Variants in RAB6A observed in about 807,000 individuals in gnomAD.
RAB6A encodes RAB6A, member RAS oncogene family.
RAB6A carries 8 observed loss-of-function variants against 32.3 expected under a neutral mutation model. The observed-to-expected ratio is 0.25, with a 90% CI of 0.15 to 0.45. The LOEUF is 0.45. Ranked by LOEUF, RAB6A falls within the 20% of genes least tolerant of loss-of-function variation. The pLI, the probability that RAB6A is intolerant of heterozygous loss-of-function variation, is 1.00. For missense variants in RAB6A, 104 were observed against 249.4 expected, an observed-to-expected ratio of 0.42 and a Z score of 3.93; for synonymous variants, 73 against 82.1, an observed-to-expected ratio of 0.89 and a Z score of 0.60.
At chr11:73,742,465 C>G (rs2134996390) in intron 1 of RAB6A, among the ~76,000 whole-genome samples, 1 of 152,158 alleles carries the variant, frequency 6.6e-6, no homozygotes, top group African/African-American at 2.4e-5. Flanking sequence ...TACATAAAAG[C>G]TGCAGATAAG....
At chr11:73,722,345 T>A (rs3916546) in intron 2 of RAB6A, 177 of 8,946 alleles carry the variant, frequency 0.02, no homozygotes, top group South Asian at 0.05. Context: ...ATATATATAT[T>A]TTTTTTTTTT....
chr11:73,686,468 C>T (rs1201880185), intron 6 of RAB6A, among the ~76,000 whole-genome samples: 1 of 152,068 alleles, frequency 6.6e-6, no homozygotes, highest in Non-Finnish European at 1.5e-5. Flanking sequence ...GTAGTAAAAT[C>T]GCTTGAACCC....
intron 4 of RAB6A, among the ~76,000 whole-genome samples, chr11:73,717,987 A>C (rs1261467407): frequency 1.3e-5 from 2 of 152,232 alleles, no homozygotes; most frequent in Non-Finnish European, 2.9e-5. Flanking sequence ...CTTTAGAAAA[A>C]AGAAAAAGAC....
intron 6 of RAB6A, among the ~76,000 whole-genome samples, chr11:73,702,982 G>C (rs558023341): frequency 1.3e-5 from 2 of 151,812 alleles, no homozygotes; most frequent in African/African-American, 4.8e-5. Flanking sequence ...TCAGACTCCC[G>C]AGTAGCTGGG....
chr11:73,689,734 G>A (rs1945515798), intron 6 of RAB6A, among the ~76,000 whole-genome samples: 1 of 152,026 alleles, frequency 6.6e-6, no homozygotes, highest in African/African-American at 2.4e-5. Flanking sequence ...CATATGTACG[G>A]ACTGAGGTCT....
chr11:73,713,630 G>A (rs932844264), intron 5 of RAB6A, among the ~76,000 whole-genome samples: 1 of 151,604 alleles, frequency 6.6e-6, no homozygotes, highest in Non-Finnish European at 1.5e-5. Flanking sequence ...CAATCTAATA[G>A]GAGAATATGC....
intron 6 of RAB6A, among the ~76,000 whole-genome samples, chr11:73,687,423 A>AT (rs1188230606): frequency 6.6e-6 from 1 of 152,170 alleles, no homozygotes; most frequent in African/African-American, 2.4e-5. Context: ...GGCTCAAGCA[A>AT]TCCTCTCATC....
At chr11:73,718,036 G>A (rs1186277931) in intron 4 of RAB6A, among the ~76,000 whole-genome samples, 1 of 152,102 alleles carries the variant, frequency 6.6e-6, no homozygotes, top group Non-Finnish European at 1.5e-5. Flanking sequence ...TTTTTTTCTT[G>A]GAGAGAAATG....
In RAB6A at chr11:73,677,852, G is replaced by A. The variant is rs199692881; in HGVS notation, c.*46C>T. On this transcript the variant is annotated 3_prime_UTR_variant, in exon 8 of 8. Coordinates refer to ENST00000336083, the MANE Select transcript of RAB6A (RefSeq NM_198896.2). ...CTGCAGTCAATGAAAGAGTAAGGGG[G>A]CCAAAGCAGTGAGCTTCTGAAGAAG... is the stretch of plus-strand genomic sequence containing the variant. 203 of 1,611,984 alleles carry A rather than the reference G, an allele frequency of 1.3e-4. No individual in the cohort carries two copies. Among genetic ancestry groups the A allele is most frequent in the Non-Finnish European group, 1.6e-4 (191 of 1,178,144 alleles).
chr11:73,754,291 T>A (rs1303291446), intron 1 of RAB6A, among the ~76,000 whole-genome samples: 1 of 152,222 alleles, frequency 6.6e-6, no homozygotes, highest in Non-Finnish European at 1.5e-5. Flanking sequence ...TGACTTGATA[T>A]TACCTAACCC....
chr11:73,747,471 T>C (rs1401593578), intron 1 of RAB6A, among the ~76,000 whole-genome samples: 1 of 136,774 alleles, frequency 7.3e-6, no homozygotes, highest in Non-Finnish European at 1.6e-5. Flanking sequence ...TCCCAAGTGC[T>C]GGGAATTACA....
chr11:73,761,040 A>AGCTGCC lies in RAB6A; in HGVS notation c.-411_-406dup, dbSNP rs1555070791. On this transcript the variant is annotated 5_prime_UTR_variant, in exon 1 of 8. Coordinates refer to ENST00000336083, the MANE Select transcript of RAB6A (RefSeq NM_198896.2). ...TCACGCGCAGCGCCTGAGCTTCCAC[A>AGCTGCC]GCTGCCGCCGCCGCCGCAGCCCAAC... 6.1e-6 allele frequency: 1 copy of AGCTGCC among 164,088 alleles called. No homozygotes were observed. Among genetic ancestry groups the AGCTGCC allele is most frequent in the African/African-American group, 2.4e-5 (1 of 41,628 alleles). The allele number at this position is 164,088 out of a possible 1,614,324, so 10.2% of individuals were successfully genotyped here.
At chr11:73,681,758 A>G (rs1009471806) in intron 6 of RAB6A, among the ~76,000 whole-genome samples, 17 of 152,174 alleles carry the variant, frequency 1.1e-4, no homozygotes, top group African/African-American at 3.9e-4. Flanking sequence ...GCAGTGGACC[A>G]AGATCTTGCC....
intron 6 of RAB6A, among the ~76,000 whole-genome samples, chr11:73,702,809 G>A (rs1275163377): frequency 6.6e-6 from 1 of 151,788 alleles, no homozygotes; most frequent in African/African-American, 2.4e-5. Flanking sequence ...AATTTAAGAT[G>A]TATACATTTC....
chr11:73,694,177 A>G (rs1293955890), intron 6 of RAB6A, among the ~76,000 whole-genome samples: 2 of 152,224 alleles, frequency 1.3e-5, no homozygotes, highest in Admixed American at 6.5e-5. Context: ...ATGTGCAGCT[A>G]GGGTTAAGAA....
intron 1 of RAB6A, among the ~76,000 whole-genome samples, chr11:73,739,385 T>C (rs1946459878): frequency 6.9e-6 from 1 of 145,578 alleles, no homozygotes; most frequent in Non-Finnish European, 1.5e-5. Context: ...TTGCCCAGGT[T>C]GGTCTCGAAC....
intron 1 of RAB6A, among the ~76,000 whole-genome samples, chr11:73,741,245 T>G (rs1345705084): frequency 6.6e-6 from 1 of 151,688 alleles, no homozygotes; most frequent in Non-Finnish European, 1.5e-5. Flanking sequence ...CACGCCATTC[T>G]CCTGCCTCAG....
chr11:73,721,752 C>T (rs1946135541), intron 2 of RAB6A, among the ~76,000 whole-genome samples: 1 of 152,070 alleles, frequency 6.6e-6, no homozygotes, highest in East Asian at 1.9e-4. Context: ...CGTGTACATA[C>T]ATACTTTTTC....
chr11:73,685,921 C>T (rs115216948), intron 6 of RAB6A, among the ~76,000 whole-genome samples: 90 of 136,796 alleles, frequency 6.6e-4, no homozygotes, highest in African/African-American at 2.2e-3. Context: ...AGCTTTATTT[C>T]TACCAGAGAC....
Sources: allele counts gnomAD v4.1 joint callset (sites outside exome capture counted in the v4.1 genomes callset), GRCh38; gene constraint gnomAD v4.1.1; transcripts MANE v1.5; gene names NCBI Gene and HGNC (gene_info 2026-07-23, HGNC 2026-07-21).